C11orf65: variants seen among roughly 807,000 people sequenced by gnomAD.
C11orf65 encodes the protein protein MFI.
In C11orf65, 38 loss-of-function variants were observed where a neutral mutation model predicts 35.3. The observed-to-expected ratio is 1.08, with a 90% CI of 0.83 to 1.41. The LOEUF is 1.41. Among genes scored for constraint, C11orf65 ranks in the 40% most tolerant of loss-of-function variants. C11orf65 has a pLI of 0.00. For synonymous variants in C11orf65, 105 were observed against 114.4 expected (o/e 0.92, Z 0.53); for missense variants, 370 against 367.1 (o/e 1.01, Z -0.06).
chr11:108,461,696 T>C (rs1360427445), intron 1 of C11orf65, 128 bp from the exon 2 acceptor site: 18 of 577,896 alleles, frequency 3.1e-5, no homozygotes, highest in Admixed American at 1.3e-4. Flanking sequence ...GGTGCGATGA[T>C]AGCTCACTGT....
At chr11:108,317,776 A>C (rs1327223810) in intron 6 of C11orf65, among the ~76,000 whole-genome samples, 1 of 151,128 alleles carries the variant, frequency 6.6e-6, no homozygotes, top group African/African-American at 2.4e-5. Flanking sequence ...TAAATCCTTC[A>C]GTAAGATAGC....
chr11:108,329,609 C>A (rs1471775043), downstream of C11orf65, among the ~76,000 whole-genome samples: 1 of 152,096 alleles, frequency 6.6e-6, no homozygotes, highest in East Asian at 1.9e-4. Flanking sequence ...TGGGGTTTTG[C>A]CATGTTGCCC....
rs1555135878 is a variant in C11orf65, at chr11:108,343,368, G to C, written c.227-8076C>G. 6.2e-7 allele frequency: 1 copy of C among 1,613,778 alleles called. No homozygotes were observed. Among genetic ancestry groups the C allele is most frequent in the Non-Finnish European group, 8.5e-7 (1 of 1,179,792 alleles). Reference sequence around the variant, plus strand: ...GTGCCTTTCAGTGCCAAAAGAAAATGATGGTGAGTGACACCCAAAATTAAA... The same window carrying C: ...GTGCCTTTCAGTGCCAAAAGAAAATCATGGTGAGTGACACCCAAAATTAAA... On this transcript the variant is annotated intron_variant, in intron 2 of 3. Coordinates refer to the C11orf65 transcript ENST00000524755.
rs528443519 is a variant in C11orf65 at position 108,447,377 on chromosome 11, G to C, written c.81+14102C>G. Among the ~76,000 whole-genome samples, 113 of 152,000 alleles carry C rather than the reference G, an allele frequency of 7.4e-4. 1 individual carries two copies. Among genetic ancestry groups the C allele is most frequent in the African/African-American group, 2.5e-3 (102 of 41,434 alleles). On this transcript the variant is annotated intron_variant, in intron 2 of 8. Transcript: ENST00000393084. ...CACCTATTCCAAAATTGACCACATA[G>C]TTGGAAGTAAAGCTCTCCTCAGCAA...
intron 3 of C11orf65, among the ~76,000 whole-genome samples, chr11:108,430,864 A>C (rs933293788): frequency 1.3e-5 from 2 of 150,004 alleles, no homozygotes; most frequent in Non-Finnish European, 3.0e-5. Flanking sequence ...AATAAATAAA[A>C]CAAAAAAAAA....
chr11:108,331,828 G>T (rs745704195), intron 3 of C11orf65: 1 of 1,575,406 alleles, frequency 6.3e-7, no homozygotes, highest in Non-Finnish European at 8.7e-7. Context: ...GAAAAATATG[G>T]ATTATATTTT....
intron 2 of C11orf65, among the ~76,000 whole-genome samples, chr11:108,346,134 T>C (rs1051986916): frequency 3.3e-5 from 5 of 152,152 alleles, no homozygotes; most frequent in Admixed American, 6.5e-5. Context: ...CCTACTTCAA[T>C]AAATAATAAA....
Position 108,325,455 on chromosome 11 carries a change from G to C in C11orf65, c.641-16384C>G, listed in dbSNP as rs587782478. 6.2e-7 allele frequency: 1 copy of C among 1,613,688 alleles called. No homozygotes were observed. The highest frequency in any genetic ancestry group is 1.3e-5 in the African/African-American group (1 of 74,968). On this transcript the variant is annotated intron_variant, in intron 6 of 6. Transcript: ENST00000525729. The stretch of plus-strand genomic sequence containing the variant: ...GGAGATCCTGATGGAAAAGGAAATG[G>C]ACAACTCACAAAGAGAATGTATTAA...
intron 3 of C11orf65, among the ~76,000 whole-genome samples, chr11:108,422,180 A>G (rs1415413231): frequency 6.6e-6 from 1 of 152,110 alleles, no homozygotes; most frequent in Non-Finnish European, 1.5e-5. Flanking sequence ...CGCCCGACTC[A>G]GCCTCCCAAA....
intron 2 of C11orf65, among the ~76,000 whole-genome samples, chr11:108,459,726 T>TACGCGCACACACAC (rs915851145): frequency 2.2e-5 from 3 of 138,570 alleles, no homozygotes; most frequent in African/African-American, 8.1e-5. Context: ...GTCCTCCGTC[T>TACGCGCACACACAC]ACACACACAC....
Position 108,423,991 on chromosome 11 carries a change from T to A in C11orf65, c.174+7755A>T, listed in dbSNP as rs77564804. Among the ~76,000 whole-genome samples, 1,373 of 152,204 alleles carry A rather than the reference T, an allele frequency of 9.0e-3. 19 individuals are homozygous for A. Among genetic ancestry groups the A allele is most frequent in the African/African-American group, 0.031 (1,285 of 41,520 alleles). The stretch of plus-strand genomic sequence containing the variant: ...AGGCAGAAAATTCCAAAAACCAGAA[T>A]ACCTCTTCTCCTTCAAAGTATCACA... On this transcript the variant is annotated intron_variant, in intron 3 of 8. Coordinates refer to ENST00000393084, the MANE Select transcript of C11orf65 (RefSeq NM_152587.5).
Position 108,383,043 on chromosome 11 carries a change from G to A in C11orf65, c.920C>T (p.Pro307Leu), listed in dbSNP as rs754638628. The change falls in exon 9 of 9, where the codon CCT becomes CTT. Residue 307 changes from proline to leucine, a missense_variant. Transcript: ENST00000393084. Reference protein sequence around the residue: ...YQEPNVTRLTPDSTYGL With the variant: ...YQEPNVTRLTLDSTYGL ...ACTTTATAGTCCATAAGTAGAATCA[G>A]GCGTTAATCTAGTTACATTTGGTTC... The A allele has an allele frequency of 1.2e-6, 2 of 1,610,690 alleles. No homozygotes were observed. The highest frequency in any genetic ancestry group is 1.7e-6 in the Non-Finnish European group (2 of 1,179,206).
Position 108,334,806 on chromosome 11 carries a change from G to T in C11orf65, c.299+414C>A, listed in dbSNP as rs574050507. On this transcript the variant is annotated intron_variant, in intron 3 of 3. Coordinates refer to the C11orf65 transcript ENST00000524755. ...TTGATGAAACAGTAGTTAAAGTTACGAGCGTGAGCCACCACACCCGGCCTA... is the reference window on the plus strand; with the variant it reads ...TTGATGAAACAGTAGTTAAAGTTACTAGCGTGAGCCACCACACCCGGCCTA... Among the ~76,000 whole-genome samples, 82 of 152,168 alleles carry T rather than the reference G, an allele frequency of 5.4e-4. 1 individual carries two copies. The highest frequency in any genetic ancestry group is 9.3e-4 in the Non-Finnish European group (63 of 67,984).
chr11:108,395,820 A>T (rs2092297037), intron 6 of C11orf65, among the ~76,000 whole-genome samples: 1 of 149,438 alleles, frequency 6.7e-6, no homozygotes, highest in Non-Finnish European at 1.5e-5. Flanking sequence ...ACGGGATTTC[A>T]CCGTGTGAGC....
intron 2 of C11orf65, among the ~76,000 whole-genome samples, chr11:108,374,552 A>C (rs1357157266): frequency 2.0e-5 from 3 of 152,230 alleles, no homozygotes; most frequent in African/African-American, 7.2e-5. Context: ...CAGAGCAGAA[A>C]AACTGGAAAC....
intron 2 of C11orf65, chr11:108,354,730 C>CA: frequency 8.4e-7 from 1 of 1,194,270 alleles, no homozygotes; most frequent in Non-Finnish European, 1.3e-6. Flanking sequence ...CAGCATACTA[C>CA]ACATGAGAGT....
intron 6 of C11orf65, among the ~76,000 whole-genome samples, chr11:108,396,834 AAAAT>A (rs370728924): frequency 0.16 from 22,058 of 137,264 alleles, 1,861 homozygotes; most frequent in African/African-American, 0.17. Context: ...ACTCCGTCTT[AAAAT>A]AAATAAATAA....
intron 1 of C11orf65, among the ~76,000 whole-genome samples, chr11:108,463,051 A>C (rs2093491189): frequency 6.6e-6 from 1 of 152,190 alleles, no homozygotes; most frequent in Non-Finnish European, 1.5e-5. Context: ...GCTTGAGCCC[A>C]GGAGTTCAAA....
At chr11:108,457,364 C>G (rs1431477667) in intron 2 of C11orf65, among the ~76,000 whole-genome samples, 2 of 152,080 alleles carry the variant, frequency 1.3e-5, no homozygotes, top group Admixed American at 6.6e-5. Context: ...TAAAAATGGG[C>G]CAGGCGCGGT....
Sources: allele counts gnomAD v4.1 joint callset (sites outside exome capture counted in the v4.1 genomes callset), GRCh38; gene constraint gnomAD v4.1.1; transcripts MANE v1.5; gene names NCBI Gene and HGNC (gene_info 2026-07-23, HGNC 2026-07-21).